Variants in STARD13 observed in about 807,000 individuals in gnomAD.
STARD13 encodes stAR-related lipid transfer protein 13.
Under a neutral mutation model 106.4 loss-of-function variants are expected in STARD13, and 62 were observed. The observed-to-expected ratio is 0.58, with a 90% confidence interval of 0.48 to 0.72. The LOEUF is 0.72. STARD13 is among the 30% of genes least tolerant of loss of function. The pLI, the probability that STARD13 is intolerant of heterozygous loss-of-function variation, is 0.00. For missense variants in STARD13, 1,387 were observed against 1,424.0 expected (o/e 0.97, Z 0.42); for synonymous variants, 565 against 553.0 (o/e 1.02, Z -0.31).
chr13:33,397,028 G>T, the STARD13 span, among the ~76,000 whole-genome samples: 1 of 152,300 alleles, frequency 6.6e-6, no homozygotes, highest in African/African-American at 2.4e-5. Context: ...CAGAAAATTG[G>T]AGAGTAGGGA....
chr13:33,432,688 T>C, the STARD13 span, among the ~76,000 whole-genome samples: 2 of 152,234 alleles, frequency 1.3e-5, no homozygotes, highest in African/African-American at 4.8e-5. Context: ...GATTATATGT[T>C]TGCACATAAC....
the STARD13 span, among the ~76,000 whole-genome samples, chr13:33,499,604 T>TTCCTTCTTCTTCTTCTTCTTCTTC: frequency 2.0e-4 from 8 of 39,898 alleles, no homozygotes; most frequent in African/African-American, 4.6e-4. Flanking sequence ...CTTCTTCTTC[T>TTCCTTCTTCTTCTTCTTCTTCTTC]TTCTTCTTCT....
chr13:33,399,079 C>A, the STARD13 span, among the ~76,000 whole-genome samples: 1 of 151,950 alleles, frequency 6.6e-6, no homozygotes, highest in Non-Finnish European at 1.5e-5. Context: ...GAGCAAGCTA[C>A]CACCACATTA....
At chr13:33,579,761 T>C in the STARD13 span, among the ~76,000 whole-genome samples, 1 of 151,632 alleles carries the variant, frequency 6.6e-6, no homozygotes, top group Admixed American at 6.6e-5. Context: ...TGGGGAAAAA[T>C]CTGAACAGAC....
the STARD13 span, among the ~76,000 whole-genome samples, chr13:33,455,915 G>C: frequency 1.3e-5 from 2 of 152,242 alleles, no homozygotes; most frequent in East Asian, 3.9e-4. Context: ...CGGCACTCCA[G>C]CCTGGAGACA....
chr13:33,299,447 C>A (rs573889736), intron 1 of STARD13, among the ~76,000 whole-genome samples: 10 of 152,266 alleles, frequency 6.6e-5, no homozygotes, highest in African/African-American at 2.2e-4. Flanking sequence ...CACTAATGCA[C>A]CTCAAATTCA....
At chr13:33,219,199 T>C (rs1245242620) in intron 1 of STARD13, among the ~76,000 whole-genome samples, 1 of 152,118 alleles carries the variant, frequency 6.6e-6, no homozygotes, top group East Asian at 1.9e-4. Flanking sequence ...TTCCAGGGCA[T>C]GACTGTAGAG....
rs1018431831 is a variant in STARD13, at chr13:33,242,620, G to A, written c.169+42850C>T. Among the ~76,000 whole-genome samples the A allele has an allele frequency of 5.9e-5, 9 of 152,168 alleles. No homozygotes were observed. The South Asian group carries it at 6.2e-4, about 11-fold the overall frequency. On this transcript the variant is annotated intron_variant, in intron 1 of 13. Transcript: ENST00000336934. ...CAGGGACACAAACACTGCGGAAGGC[G>A]GCAGGGCCCTCTGCCTAGGAAAACC...
intron 1 of STARD13, among the ~76,000 whole-genome samples, chr13:33,257,440 GTACCTATATCTA>G (rs1757848157): frequency 6.6e-6 from 1 of 152,180 alleles, no homozygotes; most frequent in Non-Finnish European, 1.5e-5. Context: ...ATATAAAAGT[GTACCTATATCTA>G]TACCTATATC....
chr13:33,230,416 G>C (rs563967944), intron 1 of STARD13, among the ~76,000 whole-genome samples: 1 of 152,300 alleles, frequency 6.6e-6, no homozygotes, highest in South Asian at 2.1e-4. Context: ...GGGTTTCCTG[G>C]AGGCAGCCTG....
At chr13:33,238,471 A>G (rs1463265738) in intron 1 of STARD13, among the ~76,000 whole-genome samples, 2 of 152,224 alleles carry the variant, frequency 1.3e-5, no homozygotes, top group Non-Finnish European at 2.9e-5. Flanking sequence ...TTAGAAAAGC[A>G]GCATAGACTT....
At chr13:33,541,786 G>A in the STARD13 span, among the ~76,000 whole-genome samples, 1 of 152,136 alleles carries the variant, frequency 6.6e-6, no homozygotes, top group Non-Finnish European at 1.5e-5. Context: ...TGACATTTTT[G>A]GAATTAGTTT....
In STARD13 at chr13:33,106,900, T is replaced by C. The variant is rs1334915867; in HGVS notation, c.3082A>G (p.Thr1028Ala). Residue 1028 changes from threonine to alanine, a missense_variant, in exon 13 of 14, where the codon ACC becomes GCC. Coordinates refer to ENST00000336934, the MANE Select transcript of STARD13 (RefSeq NM_178006.4). ...WKTDLPKGMC[T>A]LVSLSVEHEE... ...TGCTCCACGGAGAGGGACACCAGGG[T>C]ACACATTCCTTTGGGCAAATCAGTT... The C allele has an allele frequency of 1.2e-6, 2 of 1,613,852 alleles. No homozygotes were observed. The highest frequency in any genetic ancestry group is 1.7e-6 in the Non-Finnish European group (2 of 1,179,948).
At chr13:33,127,284 A>ATT in intron 6 of STARD13, 89 bp downstream of exon 6, 1 of 1,398,292 alleles carries the variant, frequency 7.2e-7, no homozygotes, top group Non-Finnish European at 9.4e-7. Flanking sequence ...TGGGTTTTTC[A>ATT]GATATCACAA....
intron 4 of STARD13, among the ~76,000 whole-genome samples, chr13:33,139,507 C>T (rs1355857465): frequency 6.6e-6 from 1 of 152,204 alleles, no homozygotes; most frequent in African/African-American, 2.4e-5. Flanking sequence ...GACAGTTTAG[C>T]TACTTGGGGA....
At chr13:33,149,176 C>T (rs1172490893) in intron 3 of STARD13, among the ~76,000 whole-genome samples, 1 of 151,954 alleles carries the variant, frequency 6.6e-6, no homozygotes, top group Non-Finnish European at 1.5e-5. Context: ...AAGTGTGAAC[C>T]CTAATGTACA....
At chr13:33,557,331 G>A in the STARD13 span, among the ~76,000 whole-genome samples, 1 of 152,096 alleles carries the variant, frequency 6.6e-6, no homozygotes, top group Non-Finnish European at 1.5e-5. Context: ...GACTTGTGAT[G>A]ATTTCCAAGA....
rs146449066 is a variant in STARD13 at position 33,110,014 on chromosome 13, C to T, written c.2906G>A (p.Arg969His). Residue 969 changes from arginine (R) to histidine (H), a missense_variant, in exon 12 of 14, where the codon CGC (arginine) becomes CAC (histidine). By Grantham distance (29) the Arg-to-His change is conservative. Coordinates refer to ENST00000336934, the MANE Select transcript of STARD13 (RefSeq NM_178006.4). ...CCACAGGTGGCGCTCTCTCAGCACGCGGTTCAGGACCACTGAGGGGGGTGC... is the reference window on the plus strand; with the variant it reads ...CCACAGGTGGCGCTCTCTCAGCACGTGGTTCAGGACCACTGAGGGGGGTGC... Reference protein sequence around the residue: ...VEAPPSVVLNRVLRERHLWDE... With the variant: ...VEAPPSVVLNHVLRERHLWDE... 1.4e-4 allele frequency: 220 copies of T among 1,614,248 alleles called. 1 individual carries two copies. In the Admixed American group the frequency reaches 3.0e-3, roughly 22 times the overall value.
intron 1 of STARD13, among the ~76,000 whole-genome samples, chr13:33,235,634 G>A (rs1944470356): frequency 6.6e-6 from 1 of 152,164 alleles, no homozygotes; most frequent in Non-Finnish European, 1.5e-5. Flanking sequence ...GAAAAGTCTG[G>A]TAGCCCTGTC....
Sources: allele counts gnomAD v4.1 joint callset (sites outside exome capture counted in the v4.1 genomes callset), GRCh38; gene constraint gnomAD v4.1.1; transcripts MANE v1.5; gene names NCBI Gene and HGNC (gene_info 2026-07-23, HGNC 2026-07-21).